Variants in NBPF3 observed in about 807,000 individuals in gnomAD.
NBPF3 encodes the protein NBPF member 3, also known as NBPF family member NBPF3.
A neutral mutation model predicts 78.1 loss-of-function variants in NBPF3; 57 were observed. The ratio of observed to expected loss-of-function variants is 0.73; its 90% CI spans 0.59 to 0.91. The LOEUF (loss-of-function observed/expected upper bound fraction) is 0.91, where lower values mean the gene tolerates loss of function less well. NBPF3 is among the 40% of genes least tolerant of loss of function. NBPF3 has a pLI of 0.00. For synonymous variants in NBPF3, 182 were observed against 271.7 expected (o/e 0.67, Z 3.25); for missense variants, 510 against 715.3 (o/e 0.71, Z 3.27).
Position 21,480,048 on chromosome 1 carries a change from C to G in NBPF3, c.1209-3C>G. 8.6e-7 allele frequency: 1 copy of G among 1,160,444 alleles called. No homozygotes were observed. Among genetic ancestry groups the G allele is most frequent in the Non-Finnish European group, 1.3e-6 (1 of 764,030 alleles). The allele number at this position is 1,160,444 out of a possible 1,614,324, so 71.9% of individuals were successfully genotyped here. A position where few individuals can be genotyped will look rare whatever the true frequency, so the allele number is the denominator to read the frequency against. On this transcript the variant is annotated splice_region_variant and splice_polypyrimidine_tract_variant and intron_variant, in intron 10 of 14. Coordinates refer to ENST00000318249, the MANE Select transcript of NBPF3 (RefSeq NM_032264.6). Reference sequence around the variant, plus strand: ...TTATTCTTTACTTTTCCTACTTTTCCAGGCTCAGCAGGGAGCTGCTGGATG... The same window carrying G: ...TTATTCTTTACTTTTCCTACTTTTCGAGGCTCAGCAGGGAGCTGCTGGATG...
intron 5 of NBPF3, 94 bp from the exon 6 acceptor site, chr1:21,472,749 T>C (rs1461499048): frequency 3.4e-6 from 3 of 888,086 alleles, no homozygotes; most frequent in African/African-American, 1.6e-5. Flanking sequence ...ACAGTGACCA[T>C]GCCTAGATGT....
At chr1:21,444,233 G>A (rs180966638) in intron 1 of NBPF3, among the ~76,000 whole-genome samples, 4 of 152,302 alleles carry the variant, frequency 2.6e-5, no homozygotes, top group Admixed American at 6.5e-5. Flanking sequence ...TAAAATAGCT[G>A]TATAGAGTAG....
chr1:21,472,868 T>C lies in NBPF3; in HGVS notation c.687T>C (p.Asp229=), dbSNP rs1558500748. 1 of 1,612,636 alleles carries C rather than the reference T, an allele frequency of 6.2e-7. No individual in the cohort carries two copies. The highest frequency in any genetic ancestry group is 8.5e-7 in the Non-Finnish European group (1 of 1,178,654). Reference sequence around the variant, plus strand: ...AAAATGATGACGATGAGGATGAAGATGTTAAAGTTGAGGAGGCTGAGAAAG... The same window carrying C: ...AAAATGATGACGATGAGGATGAAGACGTTAAAGTTGAGGAGGCTGAGAAAG... ...SPENDDDEDE[D]VKVEEAEKVQ... Residue 229 remains aspartate (D), a synonymous_variant, in exon 6 of 15, where the codon GAT becomes GAC. Coordinates refer to ENST00000318249, the MANE Select transcript of NBPF3 (RefSeq NM_032264.6).
intron 1 of NBPF3, among the ~76,000 whole-genome samples, chr1:21,442,669 AT>A (rs112275167): frequency 9.4e-4 from 121 of 128,198 alleles, no homozygotes; most frequent in East Asian, 1.6e-3. Flanking sequence ...CAGTTTTTGC[AT>A]TTTTTTTTTT....
upstream of NBPF3, among the ~76,000 whole-genome samples, chr1:21,439,193 C>T (rs2147877205): frequency 6.6e-6 from 1 of 152,284 alleles, no homozygotes; most frequent in Middle Eastern, 3.4e-3. Context: ...GCAGGAGAAT[C>T]GCTTGATCCT....
intron 1 of NBPF3, among the ~76,000 whole-genome samples, chr1:21,443,947 A>C (rs780891263): frequency 2.8e-4 from 42 of 152,226 alleles, no homozygotes; most frequent in Admixed American, 2.6e-3. Context: ...TTTCTAATTT[A>C]AAAGATTTAC....
intron 2 of NBPF3, among the ~76,000 whole-genome samples, chr1:21,456,797 A>G (rs1221842794): frequency 6.6e-6 from 1 of 152,252 alleles, no homozygotes; most frequent in African/African-American, 2.4e-5. Flanking sequence ...TTTTCTATTA[A>G]ATCAGATAAA....
chr1:21,479,866 T>TGTG (rs1643108129), intron 10 of NBPF3, among the ~76,000 whole-genome samples, 185 bp from the exon 11 acceptor site: 3 of 64,204 alleles, frequency 4.7e-5, no homozygotes, highest in East Asian at 6.5e-4. Context: ...GTGTATGTCT[T>TGTG]TCTCTTTCAT....
upstream of NBPF3, among the ~76,000 whole-genome samples, chr1:21,439,501 TAAAA>T (rs1640508774): frequency 2.1e-5 from 3 of 145,850 alleles, no homozygotes; most frequent in Non-Finnish European, 4.6e-5. Context: ...AAAAAAAAAA[TAAAA>T]ATAAAAAAAG....
chr1:21,473,477 C>G lies in NBPF3; in HGVS notation c.832C>G (p.Gln278Glu). 3 of 1,614,190 alleles carry G rather than the reference C, an allele frequency of 1.9e-6. No individual in the cohort carries two copies. The highest frequency in any genetic ancestry group is 2.5e-6 in the Non-Finnish European group (3 of 1,180,040). Residue 278 changes from glutamine (Q) to glutamate (E), a missense_variant, in exon 7 of 15, where the codon CAG (glutamine) becomes GAG (glutamate). By Grantham distance (29) the Gln-to-Glu change is conservative. Around this residue, in one of 5 missense-constraint regions of NBPF3, gnomAD observed 440 missense variants for 478.2 expected, o/e 0.92. Transcript: ENST00000318249. Reference sequence around the variant, plus strand: ...TAGCCACCACCCTTGTGAGTCCAACCAGCCTTACGGGAACACCAGAATCAC... The same window carrying G: ...TAGCCACCACCCTTGTGAGTCCAACGAGCCTTACGGGAACACCAGAATCAC... ...SNSHHPCESN[Q>E]PYGNTRITFE...
chr1:21,455,446 T>C (rs1467693753), intron 2 of NBPF3, among the ~76,000 whole-genome samples: 2 of 152,240 alleles, frequency 1.3e-5, no homozygotes, highest in Non-Finnish European at 2.9e-5. Flanking sequence ...AGATTTCTGC[T>C]TCTGTCTGTT....
At chr1:21,441,445 A>T (rs1370502671) in intron 1 of NBPF3, among the ~76,000 whole-genome samples, 1 of 152,056 alleles carries the variant, frequency 6.6e-6, no homozygotes, top group African/African-American at 2.4e-5. Flanking sequence ...AGTAGATCAC[A>T]CCTGTAATCC....
At chr1:21,478,414 T>G (rs1285205885) in intron 9 of NBPF3, 107 bp downstream of exon 9, 3 of 1,223,676 alleles carry the variant, frequency 2.5e-6, no homozygotes, top group Non-Finnish European at 3.6e-6. Flanking sequence ...GCCATCACTG[T>G]GGGTGGAACC....
At chr1:21,446,832 C>G (rs1207225746) in intron 2 of NBPF3, among the ~76,000 whole-genome samples, 4 of 152,052 alleles carry the variant, frequency 2.6e-5, no homozygotes, top group Non-Finnish European at 4.4e-5. Context: ...GGTTTCTAGT[C>G]TTCACCAAGT....
intron 2 of NBPF3, among the ~76,000 whole-genome samples, chr1:21,462,181 C>T (rs1359057123): frequency 6.6e-6 from 1 of 152,154 alleles, no homozygotes; most frequent in Non-Finnish European, 1.5e-5. Flanking sequence ...GAGCAAAAGG[C>T]ACCTCTTGTC....
intron 2 of NBPF3, chr1:21,465,996 G>T: frequency 2.6e-6 from 1 of 383,218 alleles, no homozygotes. Flanking sequence ...TGGAATATTA[G>T]GGAAGTGGAA....
upstream of NBPF3, among the ~76,000 whole-genome samples, chr1:21,437,741 G>A (rs370145868): frequency 6.6e-6 from 1 of 151,946 alleles, no homozygotes; most frequent in Non-Finnish European, 1.5e-5. Context: ...TGCAAGCTCC[G>A]CCTCCCGGGT....
chr1:21,459,735 T>G (rs1641844479), intron 2 of NBPF3: 2 of 360,336 alleles, frequency 5.6e-6, no homozygotes, highest in East Asian at 8.5e-5. Flanking sequence ...ATGGACAGCT[T>G]CTTTGCTCAT....
At chr1:21,474,623 C>T (rs7554122) in intron 7 of NBPF3, among the ~76,000 whole-genome samples, 110,644 of 152,044 alleles carry the variant, frequency 0.73, 41,052 homozygotes, top group South Asian at 0.9. Context: ...TTATTGGCGA[C>T]TTTGGGGGGA....
Sources: gnomAD v4.1 joint callset for allele counts (sites outside exome capture counted in the v4.1 genomes callset) on GRCh38, gnomAD v4.1.1 for gene constraint, gnomAD v4.1.1 regional missense constraint, MANE v1.5 for transcripts, NCBI Gene and HGNC (gene_info 2026-07-23, HGNC 2026-07-21) for gene names.